LMNTD1: variants seen among roughly 807,000 people sequenced by gnomAD.
The protein encoded by LMNTD1 is lamin tail domain containing 1.
A neutral mutation model predicts 50.9 loss-of-function variants in LMNTD1; 35 were observed. That is an observed-to-expected ratio of 0.69 (90% CI 0.53 to 0.91). The LOEUF (loss-of-function observed/expected upper bound fraction) is 0.91. Among genes scored for constraint, LMNTD1 ranks in the 40% least tolerant of loss-of-function variants. LMNTD1 has a pLI of 0.00. For synonymous variants in LMNTD1, 153 were observed against 161.9 expected (o/e 0.94, Z 0.42); for missense variants, 470 against 475.5 (o/e 0.99, Z 0.11).
intron 6 of LMNTD1, among the ~76,000 whole-genome samples, chr12:25,525,679 C>T (rs1026349235): frequency 6.6e-6 from 1 of 151,850 alleles, no homozygotes; most frequent in Non-Finnish European, 1.5e-5. Flanking sequence ...ATGGTTCTTC[C>T]CAAGCTTTAA....
At chr12:25,643,874 A>C (rs1177178112) in intron 1 of LMNTD1, among the ~76,000 whole-genome samples, 3 of 152,226 alleles carry the variant, frequency 2.0e-5, no homozygotes, top group Non-Finnish European at 4.4e-5. Context: ...CAAATGGCAC[A>C]TAGCTGACAT....
intron 1 of LMNTD1, among the ~76,000 whole-genome samples, chr12:25,621,459 A>G (rs1946471236): frequency 6.6e-6 from 1 of 152,242 alleles, no homozygotes; most frequent in African/African-American, 2.4e-5. Flanking sequence ...GATTCAAGGT[A>G]TATAGCATAA....
At chr12:25,562,783 T>G (rs181000605) in intron 1 of LMNTD1, among the ~76,000 whole-genome samples, 1 of 152,368 alleles carries the variant, frequency 6.6e-6, no homozygotes, top group East Asian at 1.9e-4. Flanking sequence ...CAATCCGATG[T>G]AGATTTGGTC....
At chr12:25,577,416 G>A (rs1248466478) in intron 1 of LMNTD1, among the ~76,000 whole-genome samples, 2 of 152,140 alleles carry the variant, frequency 1.3e-5, no homozygotes, top group Non-Finnish European at 1.5e-5. Context: ...TCCCTTGTAA[G>A]TTGGATTTCT....
At chr12:25,541,676 C>T (rs1429555929) in intron 4 of LMNTD1, among the ~76,000 whole-genome samples, 4 of 131,232 alleles carry the variant, frequency 3.0e-5, no homozygotes, top group Non-Finnish European at 6.5e-5. Context: ...GACTTCATGT[C>T]TAAAACACCA....
At chr12:25,487,735 G>T (rs1938707206) in intron 9 of LMNTD1, among the ~76,000 whole-genome samples, 1 of 121,570 alleles carries the variant, frequency 8.2e-6, no homozygotes, top group Non-Finnish European at 1.7e-5. Flanking sequence ...AGTCTCGATG[G>T]TCTTTACATT....
At chr12:25,486,290 T>A (rs1202976487) in intron 9 of LMNTD1, among the ~76,000 whole-genome samples, 1 of 148,904 alleles carries the variant, frequency 6.7e-6, no homozygotes, top group African/African-American at 2.5e-5. Flanking sequence ...AGTTCACTCA[T>A]GATTTGGCTC....
chr12:25,538,035 A>G (rs1387662360), intron 4 of LMNTD1, among the ~76,000 whole-genome samples: 36 of 147,830 alleles, frequency 2.4e-4, no homozygotes, highest in Middle Eastern at 3.4e-3. Context: ...AAAGAATAAA[A>G]AGAAACGAGC....
intron 1 of LMNTD1, among the ~76,000 whole-genome samples, chr12:25,617,823 T>G (rs2136554460): frequency 6.6e-6 from 1 of 152,300 alleles, no homozygotes; most frequent in South Asian, 2.1e-4. Context: ...AAAGGAGTGG[T>G]TTATTCTTCT....
intron 4 of LMNTD1, among the ~76,000 whole-genome samples, chr12:25,537,244 A>C (rs558408440): frequency 6.6e-6 from 1 of 152,336 alleles, no homozygotes; most frequent in South Asian, 2.1e-4. Context: ...GGAGGCCTGC[A>C]TGCCTCTGTA....
At chr12:25,481,462 C>T (rs1938442254) in intron 9 of LMNTD1, among the ~76,000 whole-genome samples, 1 of 151,960 alleles carries the variant, frequency 6.6e-6, no homozygotes, top group Admixed American at 6.6e-5. Context: ...ATATATTACT[C>T]TCCTAGATTG....
chr12:25,504,619 CCTTT>C (rs1409618725), intron 8 of LMNTD1, among the ~76,000 whole-genome samples: 2 of 152,138 alleles, frequency 1.3e-5, no homozygotes, highest in African/African-American at 4.8e-5. Flanking sequence ...CATACCTAAG[CCTTT>C]CTTTTTCCAT....
chr12:25,484,764 T>C (rs2135909578), intron 9 of LMNTD1, among the ~76,000 whole-genome samples: 1 of 147,000 alleles, frequency 6.8e-6, no homozygotes, highest in Non-Finnish European at 1.5e-5. Flanking sequence ...GTTTGGTTTT[T>C]TCTTCTTGCG....
chr12:25,612,777 T>C lies in LMNTD1; in HGVS notation c.58+35717A>G, dbSNP rs920140003. Among the ~76,000 whole-genome samples the C allele has an allele frequency of 2.0e-5, 3 of 152,148 alleles. No individual in the cohort carries two copies. In the South Asian group the frequency reaches 6.2e-4, roughly 32 times the overall value. On this transcript the variant is annotated intron_variant, in intron 1 of 7. Transcript: ENST00000445693. ...CTACCATATGTGATAGGTTGAATAA[T>C]GGCCCCAAAGACATCTAGGTCTTAA...
intron 9 of LMNTD1, among the ~76,000 whole-genome samples, chr12:25,496,483 T>C (rs1440048152): frequency 6.6e-6 from 1 of 152,146 alleles, no homozygotes; most frequent in Non-Finnish European, 1.5e-5. Context: ...TGGTGCAAAG[T>C]GGCAAAAAAT....
At chr12:25,637,001 G>A (rs1009244837) in intron 1 of LMNTD1, among the ~76,000 whole-genome samples, 2 of 149,480 alleles carry the variant, frequency 1.3e-5, no homozygotes, top group Non-Finnish European at 3.0e-5. Flanking sequence ...AGAATGGGAG[G>A]GGGGTGAGGG....
chr12:25,640,503 CAA>C (rs199647514), intron 1 of LMNTD1, among the ~76,000 whole-genome samples: 7 of 113,432 alleles, frequency 6.2e-5, no homozygotes, highest in Admixed American at 9.0e-5. Flanking sequence ...GAGACTGTCT[CAA>C]AAAAAAAAAA....
At chr12:25,520,774 C>A (rs951106471) in intron 6 of LMNTD1, among the ~76,000 whole-genome samples, 1 of 152,146 alleles carries the variant, frequency 6.6e-6, no homozygotes, top group Non-Finnish European at 1.5e-5. Flanking sequence ...TTAGGGACTT[C>A]CATATTGTTT....
intron 9 of LMNTD1, among the ~76,000 whole-genome samples, chr12:25,488,884 G>A (rs560822485): frequency 6.6e-6 from 1 of 152,310 alleles, no homozygotes; most frequent in South Asian, 2.1e-4. Context: ...GGAATACCCT[G>A]CCTTGTGAGG....
Sources: allele counts gnomAD v4.1 joint callset (sites outside exome capture counted in the v4.1 genomes callset), GRCh38; gene constraint gnomAD v4.1.1; transcripts MANE v1.5; gene names NCBI Gene and HGNC (gene_info 2026-07-23, HGNC 2026-07-21).